Variants in EFCAB12 observed in about 807,000 individuals in gnomAD.
The protein encoded by EFCAB12 is EF-hand calcium binding domain 12, also known as EF-hand calcium-binding domain-containing protein 12.
EFCAB12 carries 43 observed loss-of-function variants against 53.6 expected under a neutral mutation model. The observed-to-expected ratio is 0.80, with a 90% confidence interval of 0.63 to 1.03. EFCAB12 has a LOEUF of 1.03. EFCAB12 is among the 50% of genes least tolerant of loss of function. EFCAB12 has a pLI of 0.00. For missense variants in EFCAB12, 646 were observed against 730.6 expected (o/e 0.88, Z 1.34); for synonymous variants, 269 against 289.2 (o/e 0.93, Z 0.71).
At chr3:129,402,812 T>C (rs1015320203) in intron 7 of EFCAB12, 3 of 523,094 alleles carry the variant, frequency 5.7e-6, no homozygotes, top group Non-Finnish European at 1.0e-5. Flanking sequence ...CCAGGTGACC[T>C]GGGCAAGTCA....
Position 129,428,525 on chromosome 3 carries a change from G to C in EFCAB12, c.-37C>G. 6.2e-7 allele frequency: 1 copy of C among 1,604,106 alleles called. No individual in the cohort carries two copies. Among genetic ancestry groups the C allele is most frequent in the Admixed American group, 1.7e-5 (1 of 58,526 alleles). ...TGGGAGGGGGTGCTGAAGGGCGTGT[G>C]TGAATGTGTGTCGATGTGGGCTTGC... On this transcript the variant is annotated 5_prime_UTR_variant, in exon 1 of 9. Coordinates refer to ENST00000505956, the MANE Select transcript of EFCAB12 (RefSeq NM_207307.3).
chr3:129,411,165 T>C lies in EFCAB12; in HGVS notation c.1028A>G (p.Gln343Arg), dbSNP rs2072033137. Reference sequence around the variant, plus strand: ...CTTGGGCTGGCGAGGTACCTTGTGCTGTCGCTGCCGCTCGCGGTACCGCTT... The same window carrying C: ...CTTGGGCTGGCGAGGTACCTTGTGCCGTCGCTGCCGCTCGCGGTACCGCTT... The part of the protein sequence containing the change: ...VGKRYRERQR[Q>R]HKLTIPSIQY... Residue 343 changes from glutamine (Q) to arginine (R), a missense_variant, in exon 5 of 9, where the codon CAG becomes CGG. Transcript: ENST00000505956. 10 of 1,580,818 alleles carry C rather than the reference T, an allele frequency of 6.3e-6. No individual in the cohort carries two copies. The highest frequency in any genetic ancestry group is 8.6e-6 in the Non-Finnish European group (10 of 1,163,652).
intron 3 of EFCAB12, among the ~76,000 whole-genome samples, chr3:129,417,053 G>A (rs1185407450): frequency 2.6e-5 from 4 of 152,042 alleles, no homozygotes; most frequent in East Asian, 1.9e-4. Flanking sequence ...AAGGCCAGGC[G>A]CAGTGGCTCA....
chr3:129,412,832 C>G (rs951782264), intron 4 of EFCAB12: 4 of 152,260 alleles, frequency 2.6e-5, no homozygotes, highest in Non-Finnish European at 4.4e-5. Flanking sequence ...GCAAGCTCAT[C>G]GAAAGCTGGG....
At chr3:129,406,071 G>C (rs1418850225) in intron 6 of EFCAB12, among the ~76,000 whole-genome samples, 1 of 150,806 alleles carries the variant, frequency 6.6e-6, no homozygotes, top group Non-Finnish European at 1.5e-5. Flanking sequence ...AAAGTGGCTC[G>C]ATATTCTGGT....
intron 4 of EFCAB12, 107 bp downstream of exon 4, chr3:129,415,138 G>A: frequency 7.3e-7 from 1 of 1,366,190 alleles, no homozygotes; most frequent in Non-Finnish European, 9.6e-7. Flanking sequence ...GGCCAAAACT[G>A]GGGAACACAC....
In EFCAB12 at chr3:129,421,689, G is replaced by A. The variant is rs1300070788; in HGVS notation, c.164C>T (p.Thr55Ile). The stretch of plus-strand genomic sequence containing the variant: ...AGGCACCATGATGATTCGCCGGCGG[G>A]TCTGAGGCAGGCGGAAGTCCTTCTG... Reference protein sequence around the residue: ...FQQKDFRLPQTRRRIIMVPRK... With the variant: ...FQQKDFRLPQIRRRIIMVPRK... Residue 55 changes from threonine to isoleucine, a missense_variant, in exon 2 of 9, where the codon ACC (threonine) becomes ATC (isoleucine). By Grantham distance (89) the Thr-to-Ile change is moderately conservative. Coordinates refer to ENST00000505956, the MANE Select transcript of EFCAB12 (RefSeq NM_207307.3). The A allele has an allele frequency of 1.1e-5, 17 of 1,613,790 alleles. No individual in the cohort carries two copies. The Middle Eastern group carries it at 4.9e-4, about 47-fold the overall frequency.
intron 8 of EFCAB12, 104 bp from the exon 9 acceptor site, chr3:129,401,955 T>C (rs2071878102): frequency 6.9e-7 from 1 of 1,454,274 alleles, no homozygotes; most frequent in South Asian, 1.4e-5. Context: ...GATTTAGCAC[T>C]GTGCCAAGCA....
rs1577051412 is a variant in EFCAB12, at chr3:129,421,618, C to G, written c.235G>C (p.Ala79Pro). 1.9e-6 allele frequency: 3 copies of G among 1,613,908 alleles called. No homozygotes were observed. The highest frequency in any genetic ancestry group is 2.2e-5 in the South Asian group (2 of 91,082). The change falls in exon 2 of 9, where the codon GCT becomes CCT. Residue 79 changes from alanine to proline, a missense_variant. Coordinates refer to ENST00000505956, the MANE Select transcript of EFCAB12 (RefSeq NM_207307.3). ...TPLNPASQPQ[A>P]PPKPIPSFKV... ...AAGCTGGGGATGGGCTTTGGGGGAG[C>G]CTGAGGTTGGGATGCAGGATTAAGG...
intron 1 of EFCAB12, among the ~76,000 whole-genome samples, chr3:129,422,337 TCTG>T (rs1443218109): frequency 6.6e-6 from 1 of 152,180 alleles, no homozygotes; most frequent in East Asian, 1.9e-4. Context: ...ACATAATATA[TCTG>T]CTATTATTGG....
At chr3:129,409,220 CAGG>C (rs1221426614) in intron 5 of EFCAB12, among the ~76,000 whole-genome samples, 1 of 152,246 alleles carries the variant, frequency 6.6e-6, no homozygotes, top group Non-Finnish European at 1.5e-5. Flanking sequence ...GAGGCCGAGG[CAGG>C]AGGATAACTT....
At chr3:129,418,115 T>C (rs2072140995) in intron 3 of EFCAB12, 139 bp downstream of exon 3, 3 of 752,038 alleles carry the variant, frequency 4.0e-6, no homozygotes, top group Non-Finnish European at 4.1e-6. Context: ...GTAATAAGGC[T>C]GACAGTTTGC....
At chr3:129,413,787 G>T (rs922155904) in intron 4 of EFCAB12, 8 of 152,138 alleles carry the variant, frequency 5.3e-5, no homozygotes, top group Middle Eastern at 3.4e-3. Context: ...ACACACCCCA[G>T]TCTACCTATC....
chr3:129,428,569 G>A lies in EFCAB12; in HGVS notation c.-81C>T, dbSNP rs2072298819. ...GGCTTGCTTGCGTAGGGGTACCGGG[G>A]TATCAGATAAACCGTAACTCCAAGT... On this transcript the variant is annotated 5_prime_UTR_variant, in exon 1 of 9. Coordinates refer to ENST00000505956, the MANE Select transcript of EFCAB12 (RefSeq NM_207307.3). The A allele has an allele frequency of 2.0e-6, 3 of 1,524,004 alleles. No individual in the cohort carries two copies. Among genetic ancestry groups the A allele is most frequent in the East Asian group, 2.4e-5 (1 of 41,846 alleles). The allele number at this position is 1,524,004 out of a possible 1,614,324, so 94.4% of individuals were successfully genotyped here.
intron 5 of EFCAB12, among the ~76,000 whole-genome samples, chr3:129,410,196 G>A (rs1439076980): frequency 6.6e-6 from 1 of 151,146 alleles, no homozygotes; most frequent in Non-Finnish European, 1.5e-5. Context: ...TTTGTGTAGA[G>A]ACGGGGCCTT....
chr3:129,418,127 C>T (rs921115013), intron 3 of EFCAB12, 127 bp downstream of exon 3: 3 of 863,346 alleles, frequency 3.5e-6, no homozygotes, highest in East Asian at 2.8e-5. Flanking sequence ...ACAGTTTGCA[C>T]TCCTTGTGTC....
intron 3 of EFCAB12, 66 bp from the exon 4 acceptor site, chr3:129,415,467 G>C: frequency 6.3e-7 from 1 of 1,582,962 alleles, no homozygotes; most frequent in South Asian, 1.2e-5. Context: ...GATGGCCAAG[G>C]CCTTACCAGC....
At chr3:129,415,098 A>T in intron 4 of EFCAB12, 147 bp downstream of exon 4, 1 of 973,228 alleles carries the variant, frequency 1.0e-6, no homozygotes, top group East Asian at 3.1e-5. Context: ...TGGGCCTGAA[A>T]ATTTCCAGAG....
At chr3:129,415,519 A>C in intron 3 of EFCAB12, 118 bp from the exon 4 acceptor site, 1 of 1,275,374 alleles carries the variant, frequency 7.8e-7, no homozygotes, top group African/African-American at 1.5e-5. Context: ...ATCCTCAACC[A>C]CTCCCTACTA....
Sources: allele counts gnomAD v4.1 joint callset (sites outside exome capture counted in the v4.1 genomes callset), GRCh38; gene constraint gnomAD v4.1.1; transcripts MANE v1.5; gene names NCBI Gene and HGNC (gene_info 2026-07-23, HGNC 2026-07-21).